FAT3: variants seen among roughly 807,000 people sequenced by gnomAD.
FAT3 encodes the protein protocadherin Fat 3.
Under a neutral mutation model 310.2 loss-of-function variants are expected in FAT3, and 95 were observed. The observed-to-expected ratio is 0.31, with a 90% CI of 0.26 to 0.36. FAT3 has a LOEUF of 0.36. FAT3 is among the 10% of genes least tolerant of loss of function. The probability of loss-of-function intolerance (pLI) is 1.00; values close to 1 mark genes in which losing one functional copy is unlikely to be tolerated. For missense variants in FAT3, 5,408 were observed against 5,715.6 expected, an observed-to-expected ratio of 0.95 and a Z score of 1.74; for synonymous variants, 2,314 against 2,192.9, an observed-to-expected ratio of 1.06 and a Z score of -1.54.
chr11:92,848,511 A>G (rs538549514), intron 19 of FAT3, among the ~76,000 whole-genome samples: 14 of 152,338 alleles, frequency 9.2e-5, no homozygotes, highest in Middle Eastern at 3.4e-3. Context: ...TTGATTGTCC[A>G]TTTTTGAAAA....
chr11:92,707,305 C>T (rs1944385963), intron 4 of FAT3, among the ~76,000 whole-genome samples: 1 of 152,202 alleles, frequency 6.6e-6, no homozygotes, highest in African/African-American at 2.4e-5. Flanking sequence ...GGTGCACAGG[C>T]AGATAATTGC....
intron 3 of FAT3, among the ~76,000 whole-genome samples, chr11:92,534,133 A>G (rs1217052569): frequency 1.3e-5 from 2 of 152,098 alleles, no homozygotes; most frequent in African/African-American, 2.4e-5. Context: ...ACTCCTAGAT[A>G]CTGCTGGGCT....
intron 2 of FAT3, among the ~76,000 whole-genome samples, chr11:92,458,349 C>T (rs1951551182): frequency 6.6e-6 from 1 of 152,152 alleles, no homozygotes; most frequent in African/African-American, 2.4e-5. Flanking sequence ...TTGACATTTA[C>T]TTGTACTGTT....
intron 1 of FAT3, among the ~76,000 whole-genome samples, chr11:92,255,716 C>T (rs551885396): frequency 6.6e-6 from 1 of 152,252 alleles, no homozygotes; most frequent in Admixed American, 6.5e-5. Flanking sequence ...ATAAGAGTAA[C>T]ACCTGCCCTA....
chr11:92,263,148 A>G (rs988354131), intron 1 of FAT3, among the ~76,000 whole-genome samples: 5 of 151,766 alleles, frequency 3.3e-5, no homozygotes, highest in Non-Finnish European at 7.4e-5. Context: ...AGAGTTGACC[A>G]TTTGTGTAGT....
chr11:92,742,991 A>G (rs1945552579), intron 4 of FAT3, among the ~76,000 whole-genome samples: 1 of 152,228 alleles, frequency 6.6e-6, no homozygotes, highest in Admixed American at 6.5e-5. Context: ...AGGATCTTGT[A>G]TGTTAATACT....
chr11:92,479,174 TTTTTTTTGTA>T (rs1346088866), intron 2 of FAT3, among the ~76,000 whole-genome samples: 1 of 150,716 alleles, frequency 6.6e-6, no homozygotes, highest in Non-Finnish European at 1.5e-5. Flanking sequence ...GCTATTTTTT[TTTTTTTTGTA>T]TTTTTTTGTA....
chr11:92,275,196 C>A (rs1055639451), intron 1 of FAT3, among the ~76,000 whole-genome samples: 1 of 151,956 alleles, frequency 6.6e-6, no homozygotes, highest in Non-Finnish European at 1.5e-5. Flanking sequence ...TAGGCCAGAC[C>A]CTCATCTTCT....
Position 92,800,162 on chromosome 11 carries a change from C to T in FAT3, c.7149C>T (p.Tyr2383=), listed in dbSNP as rs770367803. Residue 2383 remains tyrosine, a synonymous_variant, in exon 10 of 28, where the codon TAC becomes TAT. Transcript: ENST00000525166. ...SLSSEVLVHI[Y]ISDVNDNPPV... Reference sequence around the variant, plus strand: ...GCAGTGAGGTTCTCGTTCATATCTACATCTCTGATGTAAATGACAACCCTC... The same window carrying T: ...GCAGTGAGGTTCTCGTTCATATCTATATCTCTGATGTAAATGACAACCCTC... 6.2e-6 allele frequency: 10 copies of T among 1,613,846 alleles called. No homozygotes were observed. The highest frequency in any genetic ancestry group is 7.6e-6 in the Non-Finnish European group (9 of 1,179,870).
At chr11:92,700,788 CCT>C (rs1231459114) in intron 4 of FAT3, among the ~76,000 whole-genome samples, 4 of 152,080 alleles carry the variant, frequency 2.6e-5, no homozygotes, top group African/African-American at 7.2e-5. Flanking sequence ...CTCCCTTTGT[CCT>C]CTCTCTCTTT....
intron 2 of FAT3, among the ~76,000 whole-genome samples, chr11:92,362,143 A>C (rs758823629): frequency 2.6e-5 from 4 of 152,298 alleles, no homozygotes; most frequent in South Asian, 2.1e-4. Context: ...GGCTCTTGAA[A>C]CATTTCTCCA....
chr11:92,484,916 G>A (rs190937927), intron 2 of FAT3, among the ~76,000 whole-genome samples: 9 of 152,298 alleles, frequency 5.9e-5, no homozygotes, highest in African/African-American at 2.2e-4. Flanking sequence ...ATTTTTGGGC[G>A]ATGTCTTTGG....
chr11:92,660,883 A>G (rs1000376161), intron 3 of FAT3, among the ~76,000 whole-genome samples: 2 of 152,218 alleles, frequency 1.3e-5, no homozygotes, highest in African/African-American at 2.4e-5. Flanking sequence ...ATTCTAGATT[A>G]TGTCTTAAAC....
At chr11:92,860,735 G>A (rs1007207917) in intron 21 of FAT3, among the ~76,000 whole-genome samples, 5 of 152,224 alleles carry the variant, frequency 3.3e-5, no homozygotes, top group African/African-American at 1.2e-4. Context: ...TCTAAAGGCA[G>A]GTGAGGAAGG....
At position 92,867,022 on chromosome 11, in the gene FAT3, C is replaced by T. The variant is rs941926637; in HGVS notation, c.11940C>T (p.Ser3980=). ...ACACGCGGGTCACGCAGGTGCTCAG[C>T]GGCTTCCAGGGCTGCCTGGACTCGG... The part of the protein sequence containing the change: ...LTDTRVTQVL[S]GFQGCLDSVI... Residue 3980 remains serine (S), a synonymous_variant, in exon 22 of 28, where the codon AGC becomes AGT. Transcript: ENST00000525166. 8.2e-6 allele frequency: 13 copies of T among 1,593,264 alleles called. No individual in the cohort carries two copies. The highest frequency in any genetic ancestry group is 1.8e-5 in the Admixed American group (1 of 56,868).
intron 13 of FAT3, among the ~76,000 whole-genome samples, chr11:92,821,840 C>G (rs977627267): frequency 1.3e-5 from 2 of 152,146 alleles, no homozygotes; most frequent in African/African-American, 4.8e-5. Context: ...TACCTCCTAC[C>G]AGTGTTAGGA....
At chr11:92,812,155 G>C (rs1385178356) in intron 13 of FAT3, among the ~76,000 whole-genome samples, 4 of 152,150 alleles carry the variant, frequency 2.6e-5, no homozygotes, top group Non-Finnish European at 4.4e-5. Flanking sequence ...TGCCTCAAAA[G>C]TGACAATTTC....
intron 1 of FAT3, among the ~76,000 whole-genome samples, chr11:92,318,028 A>G (rs1947512070): frequency 6.6e-6 from 1 of 152,298 alleles, no homozygotes; most frequent in Non-Finnish European, 1.5e-5. Flanking sequence ...CTGAAATTAT[A>G]TGTCTTTACT....
At chr11:92,830,976 G>A (rs1312272378) in intron 13 of FAT3, among the ~76,000 whole-genome samples, 2 of 152,160 alleles carry the variant, frequency 1.3e-5, no homozygotes, top group Non-Finnish European at 2.9e-5. Flanking sequence ...AGGCCGCCAA[G>A]ATCACGTGCT....
Sources: gnomAD v4.1 joint callset for allele counts (sites outside exome capture counted in the v4.1 genomes callset) on GRCh38, gnomAD v4.1.1 for gene constraint, MANE v1.5 for transcripts, NCBI Gene and HGNC (gene_info 2026-07-23, HGNC 2026-07-21) for gene names.